Variants in STT3B observed in about 807,000 individuals in gnomAD.
The protein encoded by STT3B is dolichyl-diphosphooligosaccharide--protein glycosyltransferase subunit STT3B.
Under a neutral mutation model 96.8 loss-of-function variants are expected in STT3B, and 29 were observed. The ratio of observed to expected loss-of-function variants is 0.30; its 90% CI spans 0.22 to 0.41. The LOEUF (loss-of-function observed/expected upper bound fraction) is 0.41. STT3B is among the 10% of genes least tolerant of loss of function. The probability of loss-of-function intolerance (pLI) is 1.00; values close to 1 mark genes in which losing one functional copy is unlikely to be tolerated. For missense variants in STT3B, 640 were observed against 1,022.3 expected, an observed-to-expected ratio of 0.63 and a Z score of 5.10; for synonymous variants, 367 against 360.0, an observed-to-expected ratio of 1.02 and a Z score of -0.22.
rs757270881 is a variant in STT3B at position 31,533,013 on chromosome 3, G to C, written c.15G>C (p.Ser5=). The change falls in exon 1 of 16, where the codon TCG becomes TCC. Residue 5 remains serine, a synonymous_variant. Coordinates refer to ENST00000295770, the MANE Select transcript of STT3B (RefSeq NM_178862.3). MAEP[S]APESKHKSSL... is the part of the protein sequence containing the mutation. ...CGGGGCACAACATGGCGGAGCCCTC[G>C]GCCCCGGAGAGCAAGCACAAGTCGT... 1.8e-5 allele frequency: 29 copies of C among 1,589,002 alleles called. No homozygotes were observed. The highest frequency in any genetic ancestry group is 2.3e-5 in the Non-Finnish European group (27 of 1,169,260).
In STT3B at chr3:31,601,784, C is replaced by G. The variant is rs72856047; in HGVS notation, c.877+1325C>G. 2.6e-3 allele frequency among the ~76,000 whole-genome samples: 399 copies of G among 152,116 alleles called. 2 individuals carry two copies. The highest frequency in any genetic ancestry group is 9.4e-3 in the African/African-American group (391 of 41,498). ...TTATAGTATATTAATTGTATCTCAA[C>G]AAAATAAAAAAGCATAGTATATTAC... On this transcript the variant is annotated intron_variant, in intron 5 of 15. Transcript: ENST00000295770.
intron 13 of STT3B, among the ~76,000 whole-genome samples, chr3:31,628,739 G>C (rs1187639914): frequency 6.6e-6 from 1 of 152,182 alleles, no homozygotes; most frequent in Non-Finnish European, 1.5e-5. Flanking sequence ...ACTCTGAAAA[G>C]GAGTAACGGA....
chr3:31,545,498 A>G (rs1368227195), intron 1 of STT3B, among the ~76,000 whole-genome samples: 2 of 152,192 alleles, frequency 1.3e-5, no homozygotes, highest in Non-Finnish European at 2.9e-5. Context: ...CAACTTGCAT[A>G]TATAATGGGC....
In STT3B at chr3:31,636,125, T is replaced by C. The variant is rs1205128034; in HGVS notation, c.*61T>C. The C allele has an allele frequency of 7.6e-7, 1 of 1,313,898 alleles. No individual in the cohort carries two copies. The highest frequency in any genetic ancestry group is 2.4e-5 in the East Asian group (1 of 41,080). 81.4% of individuals were successfully genotyped at this position (1,313,898 alleles called of 1,614,324 possible). A position where few individuals can be genotyped will look rare whatever the true frequency, so the allele number is the denominator to read the frequency against. ...CCTTGTGAGAACCGGTCTTTGCCTTTAGCTCATGTCGTGTTTCACAGCAAA... is the reference window on the plus strand; with the variant it reads ...CCTTGTGAGAACCGGTCTTTGCCTTCAGCTCATGTCGTGTTTCACAGCAAA... On this transcript the variant is annotated 3_prime_UTR_variant, in exon 16 of 16. Transcript: ENST00000295770.
rs1249757505 is a variant in STT3B, at chr3:31,636,921, G to T, written c.*857G>T. 6.6e-6 allele frequency: 1 copy of T among 152,120 alleles called. No individual in the cohort carries two copies. Among genetic ancestry groups the T allele is most frequent in the Admixed American group, 6.5e-5 (1 of 15,280 alleles). The allele number at this position is 152,120 out of a possible 1,614,324, so 9.4% of individuals were successfully genotyped here. A position where few individuals can be genotyped will look rare whatever the true frequency, so the allele number is the denominator to read the frequency against. On this transcript the variant is annotated 3_prime_UTR_variant, in exon 16 of 16. Transcript: ENST00000295770. ...AGGAAAAAACCCTTAAAGTGGACAG[G>T]TATCCAAAGTTCATTTTCTGTGACT...
At chr3:31,628,770 A>G (rs1020018164) in intron 13 of STT3B, among the ~76,000 whole-genome samples, 1 of 152,206 alleles carries the variant, frequency 6.6e-6, no homozygotes, top group African/African-American at 2.4e-5. Context: ...GGTAATTGAG[A>G]GAGCCAGCCT....
rs149970218 is a variant in STT3B at position 31,629,318 on chromosome 3, A to G, written c.2094A>G (p.Pro698=). The G allele has an allele frequency of 1.9e-5, 31 of 1,607,098 alleles. No individual in the cohort carries two copies. Among genetic ancestry groups the G allele is most frequent in the Admixed American group, 6.7e-5 (4 of 59,432 alleles). ...KDIRESDYFT[P]QGEFRVDKAG... ...TGTAGGAAAGTGACTATTTTACCCC[A>G]CAGGGAGAATTCCGTGTAGACAAAG... is the stretch of plus-strand genomic sequence containing the variant. The change falls in exon 14 of 16, where the codon CCA becomes CCG. Residue 698 remains proline, a synonymous_variant. Coordinates refer to ENST00000295770, the MANE Select transcript of STT3B (RefSeq NM_178862.3).
At position 31,596,740 on chromosome 3, in the gene STT3B, A is replaced by C. The variant is rs977015967; in HGVS notation, c.712-58A>C. On this transcript the variant is annotated intron_variant, in intron 3 of 15. Coordinates refer to ENST00000295770, the MANE Select transcript of STT3B (RefSeq NM_178862.3). The stretch of plus-strand genomic sequence containing the variant: ...TGGTTACCAAACATTTAACTTTTAA[A>C]AATTCCGCAAGAACATTTGTAAACA... 43 of 1,391,160 alleles carry C rather than the reference A, an allele frequency of 3.1e-5. 1 individual carries two copies. In the South Asian group the frequency reaches 4.7e-4, roughly 15 times the overall value. 86.2% of individuals were successfully genotyped at this position (1,391,160 alleles called of 1,614,324 possible).
chr3:31,596,614 C>G (rs1031349819), intron 3 of STT3B, among the ~76,000 whole-genome samples, 184 bp from the exon 4 acceptor site: 1 of 152,170 alleles, frequency 6.6e-6, no homozygotes, highest in Admixed American at 6.6e-5. Context: ...CTTAAAATGT[C>G]TCAGTGTGCT....
intron 4 of STT3B, 95 bp downstream of exon 4, chr3:31,596,958 T>C (rs953066264): frequency 2.3e-5 from 22 of 947,528 alleles, no homozygotes; most frequent in Non-Finnish European, 3.4e-5. Flanking sequence ...TTTTATTTTG[T>C]TTAATGTAAT....
chr3:31,608,844 C>T (rs1699116263), intron 5 of STT3B, among the ~76,000 whole-genome samples: 1 of 152,190 alleles, frequency 6.6e-6, no homozygotes, highest in Non-Finnish European at 1.5e-5. Flanking sequence ...TGGCCAGGTG[C>T]AGTGGCTCAC....
At position 31,541,313 on chromosome 3, in the gene STT3B, A is replaced by G. The variant is rs144528594; in HGVS notation, c.314+8001A>G. ...CTTAGACGACCTGGTGTGTTTCTCA[A>G]TCCCTTCCACCCCCTGACTTTATAG... is the stretch of plus-strand genomic sequence containing the variant. On this transcript the variant is annotated intron_variant, in intron 1 of 15. Transcript: ENST00000295770. 1.2e-3 allele frequency among the ~76,000 whole-genome samples: 188 copies of G among 152,286 alleles called. 2 individuals carry two copies. The highest frequency in any genetic ancestry group is 6.8e-3 in the Middle Eastern group (2 of 294).
At chr3:31,573,187 T>G (rs1698197572) in intron 1 of STT3B, among the ~76,000 whole-genome samples, 1 of 152,078 alleles carries the variant, frequency 6.6e-6, no homozygotes, top group African/African-American at 2.4e-5. Context: ...AGACTAGAGT[T>G]ATGTATGAGG....
At chr3:31,621,439 TAGTC>T (rs201721147) in intron 9 of STT3B, among the ~76,000 whole-genome samples, 1,767 of 152,308 alleles carry the variant, frequency 0.012, 28 homozygotes, top group African/African-American at 0.04. Flanking sequence ...ATGTATTTTT[TAGTC>T]AGGAAGAAAA....
intron 13 of STT3B, among the ~76,000 whole-genome samples, chr3:31,626,517 A>G (rs1699542259): frequency 6.6e-6 from 1 of 152,152 alleles, no homozygotes; most frequent in South Asian, 2.1e-4. Flanking sequence ...CTCCCAGTGT[A>G]AGATAAAATT....
intron 6 of STT3B, 84 bp from the exon 7 acceptor site, chr3:31,616,845 T>TAGA: frequency 5.6e-6 from 7 of 1,242,004 alleles, no homozygotes; most frequent in Non-Finnish European, 7.9e-6. Flanking sequence ...GTGCAGGACA[T>TAGA]TCTAAGAAGC....
Position 31,533,142 on chromosome 3 carries a change from G to C in STT3B, c.144G>C (p.Ala48=). ...GCGCGCACAAGGCGGCGGGCGGCGCGGCGCCGCCGAAGCCGGCCCCGGCGG... is the reference window on the plus strand; with the variant it reads ...GCGCGCACAAGGCGGCGGGCGGCGCCGCGCCGCCGAAGCCGGCCCCGGCGG... ...AQCAHKAAGG[A]APPKPAPAGL... is the part of the protein sequence containing the mutation. The change falls in exon 1 of 16, where the codon GCG becomes GCC. Residue 48 remains alanine, a synonymous_variant. Coordinates refer to ENST00000295770, the MANE Select transcript of STT3B (RefSeq NM_178862.3). The C allele has an allele frequency of 2.3e-6, 3 of 1,295,488 alleles. No homozygotes were observed. The highest frequency in any genetic ancestry group is 2.9e-6 in the Non-Finnish European group (3 of 1,022,348). The allele number at this position is 1,295,488 out of a possible 1,614,324, so 80.2% of individuals were successfully genotyped here. A position where few individuals can be genotyped will look rare whatever the true frequency, so the allele number is the denominator to read the frequency against.
chr3:31,574,761 G>T (rs1015355664), intron 1 of STT3B, among the ~76,000 whole-genome samples: 1 of 152,016 alleles, frequency 6.6e-6, no homozygotes, highest in African/African-American at 2.4e-5. Context: ...CACTGAGAAG[G>T]TATTAATCTA....
rs377485284 is a variant in STT3B, at chr3:31,589,155, G to T, written c.712-7643G>T. Among the ~76,000 whole-genome samples the T allele has an allele frequency of 7.9e-5, 12 of 152,132 alleles. No individual in the cohort carries two copies. In the East Asian group the frequency reaches 1.7e-3, roughly 22 times the overall value. ...CATATAGGGATTCCACACATATTCTGTTGGTTTTATACTTAAGTAATTCAT... is the reference window on the plus strand; with the variant it reads ...CATATAGGGATTCCACACATATTCTTTTGGTTTTATACTTAAGTAATTCAT... On this transcript the variant is annotated intron_variant, in intron 3 of 15. Transcript: ENST00000295770.
Sources: gnomAD v4.1 joint callset for allele counts (sites outside exome capture counted in the v4.1 genomes callset) on GRCh38, gnomAD v4.1.1 for gene constraint, MANE v1.5 for transcripts, NCBI Gene and HGNC (gene_info 2026-07-23, HGNC 2026-07-21) for gene names.